The following CAST variants were observed in gnomAD, a reference collection of about 807,000 sequenced individuals.
The protein encoded by CAST is MIR583 host.
Under a neutral mutation model 119.6 loss-of-function variants are expected in CAST, and 76 were observed. The ratio of observed to expected loss-of-function variants is 0.64; its 90% CI spans 0.53 to 0.77. CAST has a LOEUF of 0.77. Ranked by LOEUF, CAST falls within the 30% of genes least tolerant of loss-of-function variation. The probability of loss-of-function intolerance (pLI) is 0.00; values close to 1 mark genes in which losing one functional copy is unlikely to be tolerated. For missense variants in CAST, 953 were observed against 946.5 expected (o/e 1.01, Z -0.09); for synonymous variants, 319 against 331.6 (o/e 0.96, Z 0.41).
At chr5:96,582,331 T>A (rs1364597505) in intron 1 of CAST, among the ~76,000 whole-genome samples, 1 of 152,262 alleles carries the variant, frequency 6.6e-6, no homozygotes, top group Non-Finnish European at 1.5e-5. Flanking sequence ...CTATTTCATT[T>A]AGATACATAA....
At chr5:96,148,558 A>T in the CAST span, among the ~76,000 whole-genome samples, 4 of 152,232 alleles carry the variant, frequency 2.6e-5, no homozygotes. Context: ...AGACAATTTC[A>T]TGCCTAGCCC....
intron 1 of CAST, among the ~76,000 whole-genome samples, chr5:96,611,394 C>T (rs920825924): frequency 6.6e-6 from 1 of 152,134 alleles, no homozygotes; most frequent in Non-Finnish European, 1.5e-5. Flanking sequence ...GCTGGGAAAA[C>T]TGGTTAGCCA....
At chr5:95,997,060 G>A in the CAST span, among the ~76,000 whole-genome samples, 2 of 152,128 alleles carry the variant, frequency 1.3e-5, no homozygotes, top group Non-Finnish European at 2.9e-5. Flanking sequence ...AACCAAAGAA[G>A]CAAACTTAAT....
At chr5:96,408,236 C>G in the CAST span, 1 of 1,613,482 alleles carries the variant, frequency 6.2e-7, no homozygotes, top group Non-Finnish European at 8.5e-7. Flanking sequence ...GCTTCCAGGG[C>G]CAGAGCGAAG....
chr5:96,747,188 T>C (rs376242676), intron 17 of CAST, among the ~76,000 whole-genome samples, 157 bp from the exon 18 acceptor site: 1 of 152,338 alleles, frequency 6.6e-6, no homozygotes, highest in East Asian at 1.9e-4. Context: ...CCTTTTTTTA[T>C]ACTTTATAAA....
the CAST span, among the ~76,000 whole-genome samples, chr5:96,411,935 G>C: frequency 6.6e-6 from 1 of 152,184 alleles, no homozygotes; most frequent in East Asian, 1.9e-4. Flanking sequence ...TCAGCCTCCC[G>C]AGTAGCTGGG....
intron 1 of CAST, among the ~76,000 whole-genome samples, chr5:96,594,402 T>C (rs1353244663): frequency 6.6e-6 from 1 of 152,232 alleles, no homozygotes. Context: ...GAGTTAGCCT[T>C]GTGGAGCATT....
the CAST span, among the ~76,000 whole-genome samples, chr5:96,174,267 G>A: frequency 6.6e-6 from 1 of 152,144 alleles, no homozygotes; most frequent in East Asian, 1.9e-4. Context: ...TTCCATTAAG[G>A]GAATTCCAGT....
At chr5:96,361,996 A>G in the CAST span, among the ~76,000 whole-genome samples, 1 of 150,670 alleles carries the variant, frequency 6.6e-6, no homozygotes, top group Non-Finnish European at 1.5e-5. Flanking sequence ...CCCACACCCC[A>G]CGACAGGCCC....
the CAST span, among the ~76,000 whole-genome samples, chr5:96,415,313 CTGT>C: frequency 1.3e-5 from 2 of 152,108 alleles, no homozygotes; most frequent in East Asian, 1.9e-4. Context: ...AGAAGTGGCT[CTGT>C]TGTTGTACTC....
chr5:96,634,514 C>G (rs946231063), intron 1 of CAST, among the ~76,000 whole-genome samples: 1 of 152,180 alleles, frequency 6.6e-6, no homozygotes, highest in African/African-American at 2.4e-5. Flanking sequence ...GGACTCTTAT[C>G]TTGACATAGG....
rs151223987 is a variant in CAST at position 96,678,629 on chromosome 5, G to A, written c.138+3028G>A. ...GGATGCTGAGGCGGGCAGATCACAA[G>A]GTCAGGAGATCGACACCATCCTGGC... On this transcript the variant is annotated intron_variant, in intron 2 of 31. Transcript: ENST00000675179. 2.9e-3 allele frequency among the ~76,000 whole-genome samples: 441 copies of A among 151,876 alleles called. 3 individuals are homozygous for A. Among genetic ancestry groups the A allele is most frequent in the African/African-American group, 0.01 (429 of 41,422 alleles).
At chr5:96,602,580 A>G (rs1580841720) in intron 1 of CAST, among the ~76,000 whole-genome samples, 1 of 152,156 alleles carries the variant, frequency 6.6e-6, no homozygotes, top group South Asian at 2.1e-4. Flanking sequence ...GTGAAACCCC[A>G]TCTCTCCTAA....
the CAST span, among the ~76,000 whole-genome samples, chr5:96,221,991 A>G: frequency 2.0e-3 from 310 of 152,300 alleles, 1 homozygote; most frequent in Non-Finnish European, 3.1e-3. Flanking sequence ...CAAAGGTGCC[A>G]AGAACATACA....
chr5:96,103,210 T>C, the CAST span, among the ~76,000 whole-genome samples: 2 of 152,254 alleles, frequency 1.3e-5, no homozygotes, highest in East Asian at 3.9e-4. Context: ...CTTTTTTAAA[T>C]TATTATACTT....
rs545174317 is a variant in CAST at position 96,764,146 on chromosome 5, GGA to G, written c.1933-1074_1933-1073del. On this transcript the variant is annotated intron_variant, in intron 25 of 31. Coordinates refer to ENST00000675179, the MANE Select transcript of CAST (RefSeq NM_001750.7). ...ATTTTAATTGAATTCATTTAGAGGT[GGA>G]ATTTTGAATGCAATGTGTTGAAAAA... 9.2e-5 allele frequency among the ~76,000 whole-genome samples: 14 copies of G among 152,154 alleles called. 1 individual carries two copies. The East Asian group carries it at 2.5e-3, about 27-fold the overall frequency.
chr5:96,386,459 C>T, the CAST span, among the ~76,000 whole-genome samples: 3 of 152,136 alleles, frequency 2.0e-5, no homozygotes, highest in Non-Finnish European at 4.4e-5. Flanking sequence ...TGACAATTCA[C>T]GAGGCCACAT....
chr5:96,274,652 G>T, the CAST span, among the ~76,000 whole-genome samples: 1 of 152,168 alleles, frequency 6.6e-6, no homozygotes, highest in Non-Finnish European at 1.5e-5. Flanking sequence ...CAGAGATGAC[G>T]GGTGCAACAA....
At chr5:96,405,036 G>C in the CAST span, among the ~76,000 whole-genome samples, 25 of 152,172 alleles carry the variant, frequency 1.6e-4, no homozygotes, top group South Asian at 5.2e-3. Context: ...GAGTGCCTTG[G>C]GATAAAGCTT....
Sources: allele counts gnomAD v4.1 joint callset (sites outside exome capture counted in the v4.1 genomes callset), GRCh38; gene constraint gnomAD v4.1.1; transcripts MANE v1.5; gene names NCBI Gene and HGNC (gene_info 2026-07-23, HGNC 2026-07-21).